Variants in PRIMA1 observed in about 807,000 individuals in gnomAD.
The protein encoded by PRIMA1 is proline-rich membrane anchor 1.
PRIMA1 carries 7 observed loss-of-function variants against 17.5 expected under a neutral mutation model. The ratio of observed to expected loss-of-function variants is 0.40; its 90% confidence interval spans 0.23 to 0.75. The LOEUF is 0.75. Ranked by LOEUF, PRIMA1 falls within the 30% of genes least tolerant of loss-of-function variation. The pLI, the probability that PRIMA1 is intolerant of heterozygous loss-of-function variation, is 0.37. For synonymous variants in PRIMA1, 97 were observed against 77.9 expected (o/e 1.25, Z -1.29); for missense variants, 200 against 201.8 (o/e 0.99, Z 0.05).
At chr14:93,721,863 G>A (rs1392364318) in intron 4 of PRIMA1, among the ~76,000 whole-genome samples, 1 of 152,224 alleles carries the variant, frequency 6.6e-6, no homozygotes, top group African/African-American at 2.4e-5. Flanking sequence ...AAGAAAGTAT[G>A]TTCAGTCTAG....
chr14:93,785,100 A>G (rs1885485468), intron 2 of PRIMA1, among the ~76,000 whole-genome samples: 1 of 150,532 alleles, frequency 6.6e-6, no homozygotes, highest in Admixed American at 6.7e-5. Flanking sequence ...GGCATCTTTC[A>G]TGGAGACAGG....
chr14:93,778,636 A>G (rs1885288491), intron 3 of PRIMA1, among the ~76,000 whole-genome samples: 1 of 152,254 alleles, frequency 6.6e-6, no homozygotes. Flanking sequence ...TTCTGGCTAA[A>G]GAAACGCTCC....
chr14:93,779,156 TG>T lies in PRIMA1; in HGVS notation c.229+19del. 1 of 1,382,390 alleles carries T rather than the reference TG, an allele frequency of 7.2e-7. No homozygotes were observed. Among genetic ancestry groups the T allele is most frequent in the South Asian group, 1.6e-5 (1 of 62,052 alleles). 85.6% of individuals were successfully genotyped at this position (1,382,390 alleles called of 1,614,324 possible). Reference sequence around the variant, plus strand: ...GAAAACACAAAGAGAAACCCGAAAATGGAGTGAGCCATTACTTACCTGGGGC... The same window carrying T: ...GAAAACACAAAGAGAAACCCGAAAATGAGTGAGCCATTACTTACCTGGGGC... On this transcript the variant is annotated intron_variant, in intron 3 of 4. Coordinates refer to ENST00000393140, the MANE Select transcript of PRIMA1 (RefSeq NM_178013.4).
At chr14:93,779,563 T>C (rs1425174830) in intron 2 of PRIMA1, among the ~76,000 whole-genome samples, 1 of 152,184 alleles carries the variant, frequency 6.6e-6, no homozygotes, top group Non-Finnish European at 1.5e-5. Context: ...GACCTGGATA[T>C]GAATGAGAAG....
chr14:93,730,729 A>C (rs2076108693), intron 4 of PRIMA1, among the ~76,000 whole-genome samples: 1 of 152,230 alleles, frequency 6.6e-6, no homozygotes, highest in Non-Finnish European at 1.5e-5. Context: ...GGCTATCCCA[A>C]AGCTCCAGAA....
chr14:93,743,975 C>T (rs569347635), intron 3 of PRIMA1, among the ~76,000 whole-genome samples: 42 of 152,350 alleles, frequency 2.8e-4, no homozygotes, highest in African/African-American at 9.4e-4. Context: ...CTTGCTGAAG[C>T]GCCCGCTGGT....
intron 3 of PRIMA1, among the ~76,000 whole-genome samples, chr14:93,763,218 C>T (rs1000998636): frequency 4.6e-5 from 7 of 152,034 alleles, no homozygotes; most frequent in Admixed American, 3.9e-4. Flanking sequence ...TAAAAGTCTG[C>T]CCCCCCAGCA....
chr14:93,761,539 T>C (rs1379658310), intron 3 of PRIMA1, among the ~76,000 whole-genome samples: 1 of 152,164 alleles, frequency 6.6e-6, no homozygotes, highest in East Asian at 1.9e-4. Context: ...TTGTATGTGC[T>C]GTTCCCTCTG....
At chr14:93,774,634 C>T (rs978878410) in intron 3 of PRIMA1, among the ~76,000 whole-genome samples, 2 of 152,200 alleles carry the variant, frequency 1.3e-5, no homozygotes, top group Non-Finnish European at 2.9e-5. Context: ...CTGCTCCCAC[C>T]TGTCCCATTC....
intron 3 of PRIMA1, among the ~76,000 whole-genome samples, chr14:93,757,333 C>T (rs992303415): frequency 4.6e-5 from 7 of 152,230 alleles, no homozygotes; most frequent in African/African-American, 1.7e-4. Context: ...CTCACACTCC[C>T]GCCGATCCGT....
At chr14:93,761,203 T>C (rs1884713341) in intron 3 of PRIMA1, among the ~76,000 whole-genome samples, 1 of 151,838 alleles carries the variant, frequency 6.6e-6, no homozygotes, top group East Asian at 1.9e-4. Context: ...AAAAAAAAAT[T>C]AGCTGGGCAT....
chr14:93,718,905 G>C lies in PRIMA1; in HGVS notation c.*2539C>G, dbSNP rs1353878741. On this transcript the variant is annotated 3_prime_UTR_variant, in exon 5 of 5. Transcript: ENST00000393140. ...CGGACTAGCCTGAGGATCGGTGTGT[G>C]TCTAGAGACTGCCGGCTCATTTTAA... is the stretch of plus-strand genomic sequence containing the variant. 6.6e-6 allele frequency: 1 copy of C among 152,310 alleles called. No homozygotes were observed. Among genetic ancestry groups the C allele is most frequent in the Non-Finnish European group, 1.5e-5 (1 of 68,012 alleles). The allele number at this position is 152,310 out of a possible 1,614,324, so 9.4% of individuals were successfully genotyped here.
At chr14:93,770,784 T>C (rs183353971) in intron 3 of PRIMA1, among the ~76,000 whole-genome samples, 54 of 152,308 alleles carry the variant, frequency 3.5e-4, no homozygotes, top group African/African-American at 1.3e-3. Flanking sequence ...TTCTGTTCTG[T>C]CCACCACTAG....
chr14:93,746,603 TAA>T (rs1244038267), intron 3 of PRIMA1, among the ~76,000 whole-genome samples: 2 of 151,750 alleles, frequency 1.3e-5, no homozygotes, highest in African/African-American at 4.8e-5. Flanking sequence ...GGGGAGGACT[TAA>T]GAGAGGGTGG....
At chr14:93,763,917 C>T (rs900417850) in intron 3 of PRIMA1, among the ~76,000 whole-genome samples, 2 of 152,128 alleles carry the variant, frequency 1.3e-5, no homozygotes, top group Non-Finnish European at 2.9e-5. Flanking sequence ...CCAGCCAATG[C>T]CTCCTCTGCT....
rs370162652 is a variant in PRIMA1 at position 93,762,027 on chromosome 14, C to T, written c.229+17149G>A. On this transcript the variant is annotated intron_variant, in intron 3 of 4. Coordinates refer to ENST00000393140, the MANE Select transcript of PRIMA1 (RefSeq NM_178013.4). ...CAGACTCTGACTGTTGTTCTGTATC[C>T]ACAGAAACAACCTCCCTCGATGGTC... Among the ~76,000 whole-genome samples the T allele has an allele frequency of 3.1e-3, 466 of 152,278 alleles. 3 individuals carry two copies. The highest frequency in any genetic ancestry group is 0.011 in the African/African-American group (438 of 41,546).
chr14:93,723,111 CTGAG>C (rs1345979898), intron 4 of PRIMA1, among the ~76,000 whole-genome samples: 2 of 152,214 alleles, frequency 1.3e-5, no homozygotes, highest in South Asian at 2.1e-4. Flanking sequence ...GGCCCCCAGC[CTGAG>C]TGTCTGTATC....
At chr14:93,743,997 C>A (rs1478095016) in intron 3 of PRIMA1, among the ~76,000 whole-genome samples, 2 of 152,230 alleles carry the variant, frequency 1.3e-5, no homozygotes, top group Non-Finnish European at 2.9e-5. Context: ...TTGTCTGTCT[C>A]ACAAGGACAG....
intron 4 of PRIMA1, among the ~76,000 whole-genome samples, chr14:93,727,732 C>T (rs1447414918): frequency 4.6e-5 from 7 of 152,208 alleles, no homozygotes; most frequent in Non-Finnish European, 1.0e-4. Context: ...TGTGGGCATG[C>T]CCTTGGACAC....
Sources: allele counts gnomAD v4.1 joint callset (sites outside exome capture counted in the v4.1 genomes callset), GRCh38; gene constraint gnomAD v4.1.1; transcripts MANE v1.5; gene names NCBI Gene and HGNC (gene_info 2026-07-23, HGNC 2026-07-21).